The following NTM variants were observed in gnomAD, a reference collection of about 807,000 sequenced individuals.
NTM encodes neurotrimin.
A neutral mutation model predicts 42.1 loss-of-function variants in NTM; 13 were observed. The ratio of observed to expected loss-of-function variants is 0.31; its 90% CI spans 0.20 to 0.49. The LOEUF (loss-of-function observed/expected upper bound fraction) is 0.49. NTM is among the 20% of genes least tolerant of loss of function. The probability of loss-of-function intolerance (pLI) is 0.99; values close to 1 mark genes in which losing one functional copy is unlikely to be tolerated. For synonymous variants in NTM, 187 were observed against 179.2 expected, an observed-to-expected ratio of 1.04 and a Z score of -0.35; for missense variants, 373 against 452.8, an observed-to-expected ratio of 0.82 and a Z score of 1.60.
chr11:131,606,136 C>A (rs1291270303), intron 1 of NTM, among the ~76,000 whole-genome samples: 1 of 152,092 alleles, frequency 6.6e-6, no homozygotes, highest in African/African-American at 2.4e-5. Flanking sequence ...CTCAACCTCC[C>A]TGGCTAAAGT....
chr11:132,315,000 G>T, intron 7 of NTM: 3 of 1,156,916 alleles, frequency 2.6e-6, no homozygotes, highest in Non-Finnish European at 3.2e-6. Flanking sequence ...AAATGAAAAA[G>T]AATGTTCATG....
chr11:132,143,148 T>C (rs964880202), intron 2 of NTM, among the ~76,000 whole-genome samples: 2 of 152,160 alleles, frequency 1.3e-5, no homozygotes, highest in African/African-American at 4.8e-5. Flanking sequence ...GAAAACTGTT[T>C]CATACCAGGG....
At chr11:132,028,808 A>G (rs1314309819) in intron 2 of NTM, among the ~76,000 whole-genome samples, 2 of 152,154 alleles carry the variant, frequency 1.3e-5, no homozygotes, top group African/African-American at 4.8e-5. Context: ...TCATATTTCA[A>G]AATGGCTGCC....
intron 1 of NTM, among the ~76,000 whole-genome samples, chr11:131,448,644 C>T (rs375842687): frequency 6.6e-6 from 1 of 152,332 alleles, no homozygotes; most frequent in East Asian, 1.9e-4. Context: ...AAGGAAGAGG[C>T]TACCTCAGGC....
rs557522093 is a variant in NTM at position 131,763,709 on chromosome 11, C to CTTTTTTTTTTTTTTTTTTTTTTTT, written c.83-147852_83-147829dup. Among the ~76,000 whole-genome samples the CTTTTTTTTTTTTTTTTTTTTTTTT allele has an allele frequency of 1.3e-3, 95 of 71,368 alleles. 17 individuals carry two copies. Among genetic ancestry groups the CTTTTTTTTTTTTTTTTTTTTTTTT allele is most frequent in the East Asian group, 4.3e-3 (9 of 2,084 alleles). The allele number at this position is 71,368 out of a possible 152,430, so 46.8% of individuals were successfully genotyped here. On this transcript the variant is annotated intron_variant, in intron 1 of 8. Transcript: ENST00000683400. ...CTTATCCACAGGCCCATCTCTCTCT[C>CTTTTTTTTTTTTTTTTTTTTTTTT]TTTTTTTTTTTTTTTTTTTTTTTTT...
chr11:131,657,520 G>A (rs1026157181), intron 1 of NTM, among the ~76,000 whole-genome samples: 1 of 152,096 alleles, frequency 6.6e-6, no homozygotes, highest in Non-Finnish European at 1.5e-5. Context: ...CCTTTGTATT[G>A]TTATTAGCAC....
chr11:131,867,663 T>C (rs769982956), intron 1 of NTM, among the ~76,000 whole-genome samples: 1 of 152,046 alleles, frequency 6.6e-6, no homozygotes, highest in Admixed American at 6.6e-5. Context: ...TGTATAACCA[T>C]GTGTGCATTT....
At chr11:131,411,842 G>A (rs1946461808) in intron 1 of NTM, among the ~76,000 whole-genome samples, 2 of 152,074 alleles carry the variant, frequency 1.3e-5, no homozygotes, top group African/African-American at 2.4e-5. Flanking sequence ...TTATGTGTTT[G>A]GAACAGAGCC....
intron 2 of NTM, among the ~76,000 whole-genome samples, chr11:132,051,046 C>T (rs2078783282): frequency 1.3e-5 from 2 of 152,152 alleles, no homozygotes; most frequent in African/African-American, 4.8e-5. Flanking sequence ...AAGACAGATG[C>T]CTTGCTCCTT....
intron 3 of NTM, among the ~76,000 whole-genome samples, chr11:132,186,340 A>G (rs749688857): frequency 2.6e-4 from 39 of 152,214 alleles, no homozygotes; most frequent in Non-Finnish European, 4.4e-4. Flanking sequence ...CAGGCAGTGG[A>G]TGGCCAGCCC....
intron 1 of NTM, among the ~76,000 whole-genome samples, chr11:131,584,587 A>T (rs1184004633): frequency 6.6e-6 from 1 of 152,220 alleles, no homozygotes; most frequent in Non-Finnish European, 1.5e-5. Flanking sequence ...AAAAGGATTC[A>T]ATTGGGAGGA....
At chr11:132,264,370 C>T (rs3099804) in intron 4 of NTM, among the ~76,000 whole-genome samples, 134,278 of 152,258 alleles carry the variant, frequency 0.88, 59,238 homozygotes, top group East Asian at 0.91. Context: ...GAAAATTGAT[C>T]TGAAAAAGCA....
At chr11:131,870,954 G>T (rs1226369651) in intron 1 of NTM, among the ~76,000 whole-genome samples, 4 of 152,110 alleles carry the variant, frequency 2.6e-5, no homozygotes, top group Non-Finnish European at 5.9e-5. Flanking sequence ...TGGTAAGATT[G>T]GGTCTATTTA....
At position 131,735,030 on chromosome 11, in the gene NTM, ATTCT is replaced by A. The variant is rs558124115; in HGVS notation, c.83-176530_83-176527del. The stretch of plus-strand genomic sequence containing the variant: ...CAAAATCCTTCCTGAGAACTTGAAA[ATTCT>A]TTCCATCTGACTCAATGGCCTTTTT... On this transcript the variant is annotated intron_variant, in intron 1 of 8. Coordinates refer to ENST00000683400, the MANE Select transcript of NTM (RefSeq NM_001352005.2). 2.6e-5 allele frequency among the ~76,000 whole-genome samples: 4 copies of A among 152,334 alleles called. No individual in the cohort carries two copies. In the East Asian group the frequency reaches 7.7e-4, roughly 29 times the overall value.
intron 1 of NTM, among the ~76,000 whole-genome samples, chr11:131,719,189 C>T (rs1001905135): frequency 4.6e-5 from 7 of 152,160 alleles, no homozygotes; most frequent in African/African-American, 1.2e-4. Flanking sequence ...GGATTACAGA[C>T]GTAAGCCCGC....
chr11:131,934,104 A>G (rs1246845352), intron 2 of NTM, among the ~76,000 whole-genome samples: 1 of 152,190 alleles, frequency 6.6e-6, no homozygotes, highest in Non-Finnish European at 1.5e-5. Context: ...TTTTATGTAT[A>G]GTTACCATGT....
chr11:131,747,123 T>A (rs1386712725), intron 1 of NTM, among the ~76,000 whole-genome samples: 1 of 152,242 alleles, frequency 6.6e-6, no homozygotes, highest in East Asian at 1.9e-4. Context: ...ATTTATTTTT[T>A]ATACTAATAT....
intron 4 of NTM, among the ~76,000 whole-genome samples, chr11:132,251,586 C>T (rs1591538459): frequency 6.6e-6 from 1 of 152,290 alleles, no homozygotes; most frequent in Middle Eastern, 3.4e-3. Flanking sequence ...GAAGCCACTC[C>T]ACTGCTCACC....
chr11:132,138,590 CTAT>C (rs2068436332), intron 2 of NTM, among the ~76,000 whole-genome samples: 1 of 73,098 alleles, frequency 1.4e-5, no homozygotes, highest in Non-Finnish European at 3.8e-5. Flanking sequence ...ATCTATCTAT[CTAT>C]CTATCTATCT....
Sources: gnomAD v4.1 joint callset for allele counts (sites outside exome capture counted in the v4.1 genomes callset) on GRCh38, gnomAD v4.1.1 for gene constraint, MANE v1.5 for transcripts, NCBI Gene and HGNC (gene_info 2026-07-23, HGNC 2026-07-21) for gene names.